DMD: variants seen among roughly 807,000 people sequenced by gnomAD.
DMD encodes the protein mutant dystrophin.
In DMD, 63 loss-of-function variants were observed where a neutral mutation model predicts 330.1. The ratio of observed to expected loss-of-function variants is 0.19; its 90% CI spans 0.16 to 0.24. DMD has a LOEUF of 0.24. Ranked by LOEUF, DMD falls within the 10% of genes least tolerant of loss-of-function variation. DMD has a pLI of 1.00. For synonymous variants in DMD, 1,223 were observed against 959.8 expected (o/e 1.27, Z -5.07); for missense variants, 3,344 against 2,684.1 (o/e 1.25, Z -5.43).
intron 55 of DMD, among the ~76,000 whole-genome samples, chrX:31,517,729 AT>A (rs779249694): frequency 9.0e-6 from 1 of 110,918 alleles, no homozygotes; most frequent in Non-Finnish European, 1.9e-5. Flanking sequence ...GGATGCTACC[AT>A]CATTGAGTGC....
intron 1 of DMD, among the ~76,000 whole-genome samples, chrX:33,310,140 C>G (rs1178455800): frequency 9.0e-6 from 1 of 110,976 alleles, no homozygotes; most frequent in African/African-American, 3.3e-5. Flanking sequence ...ATTCAAATAA[C>G]TTATAAAATA....
intron 47 of DMD, among the ~76,000 whole-genome samples, chrX:31,914,881 G>T (rs1356408124): frequency 8.9e-6 from 1 of 112,424 alleles, no homozygotes; most frequent in African/African-American, 3.2e-5. Flanking sequence ...AAATAAATAA[G>T]AGTATAATTG....
At chrX:32,629,146 GTCTA>G (rs1287078791) in intron 11 of DMD, among the ~76,000 whole-genome samples, 4 of 111,504 alleles carry the variant, frequency 3.6e-5, no homozygotes, top group Non-Finnish European at 7.5e-5. Context: ...CTGTTTTGGG[GTCTA>G]TCTCTCTAAC....
At chrX:32,415,951 T>C (rs2098164532) in intron 29 of DMD, among the ~76,000 whole-genome samples, 1 of 112,165 alleles carries the variant, frequency 8.9e-6, no homozygotes, top group African/African-American at 3.2e-5. Flanking sequence ...TAATGAGTTT[T>C]GCTGGCAATG....
chrX:31,846,899 T>C (rs936462552), intron 48 of DMD, among the ~76,000 whole-genome samples: 2 of 111,942 alleles, frequency 1.8e-5, no homozygotes, highest in Admixed American at 1.9e-4. Flanking sequence ...TTAATAAAAT[T>C]GTTATTGGCG....
At chrX:32,219,726 A>T (rs963234375) in intron 43 of DMD, among the ~76,000 whole-genome samples, 4 of 110,774 alleles carry the variant, frequency 3.6e-5, no homozygotes, top group African/African-American at 1.3e-4. Context: ...CTTGAACTAT[A>T]CTTTTGCCAA....
intron 60 of DMD, among the ~76,000 whole-genome samples, chrX:31,439,758 CTGCA>C (rs1001460859): frequency 8.9e-6 from 1 of 111,857 alleles, no homozygotes; most frequent in Admixed American, 9.5e-5. Flanking sequence ...AAGAGATTGA[CTGCA>C]TTACTCAGTG....
intron 55 of DMD, among the ~76,000 whole-genome samples, chrX:31,511,404 C>T (rs2147232054): frequency 9.6e-6 from 1 of 104,353 alleles, no homozygotes; most frequent in South Asian, 4.4e-4. Flanking sequence ...CATATGTATA[C>T]ATGTGCCATG....
At chrX:32,870,546 A>G (rs1311646808) in intron 2 of DMD, among the ~76,000 whole-genome samples, 2 of 111,913 alleles carry the variant, frequency 1.8e-5, no homozygotes, top group Non-Finnish European at 3.8e-5. Context: ...TACCCAAAAC[A>G]TCATGGTACT....
intron 7 of DMD, among the ~76,000 whole-genome samples, chrX:32,801,551 G>A (rs2076567720): frequency 8.9e-6 from 1 of 111,970 alleles, no homozygotes; most frequent in Non-Finnish European, 1.9e-5. Flanking sequence ...TCTTGCCATT[G>A]CTTTTGGTGT....
At chrX:31,850,327 A>G (rs6631421) in intron 48 of DMD, among the ~76,000 whole-genome samples, 11,941 of 112,047 alleles carry the variant, frequency 0.11, 514 homozygotes, top group South Asian at 0.21. Context: ...GAGGTGTTGA[A>G]ATACTAAAAA....
intron 34 of DMD, among the ~76,000 whole-genome samples, chrX:32,369,291 T>G (rs979915594): frequency 1.8e-5 from 2 of 111,603 alleles, no homozygotes; most frequent in Non-Finnish European, 3.8e-5. Flanking sequence ...AGAATGAGTA[T>G]AATGAGTTAA....
intron 62 of DMD, among the ~76,000 whole-genome samples, chrX:31,291,560 T>C (rs774639387): frequency 8.0e-5 from 9 of 112,037 alleles, no homozygotes; most frequent in Non-Finnish European, 1.3e-4. Context: ...AGTATCTTAG[T>C]GTGCTTTAAG....
intron 18 of DMD, among the ~76,000 whole-genome samples, chrX:32,513,341 G>C (rs1193682435): frequency 1.8e-5 from 2 of 112,125 alleles, no homozygotes; most frequent in African/African-American, 6.5e-5. Flanking sequence ...TAATATGTTC[G>C]CTTTGGCAGA....
At chrX:33,261,683 G>A (rs1569559273) in intron 1 of DMD, among the ~76,000 whole-genome samples, 1 of 103,806 alleles carries the variant, frequency 9.6e-6, no homozygotes, top group Non-Finnish European at 2.0e-5. Context: ...GAAGGCAGAA[G>A]CAGCCCAAAA....
intron 2 of DMD, among the ~76,000 whole-genome samples, chrX:32,897,360 G>T (rs889375524): frequency 9.0e-6 from 1 of 111,682 alleles, no homozygotes. Context: ...AGGAGGAGTA[G>T]AGAATGAAGA....
intron 21 of DMD, among the ~76,000 whole-genome samples, chrX:32,480,453 AGTAT>A (rs1164632839): frequency 1.9e-5 from 2 of 104,686 alleles, no homozygotes; most frequent in South Asian, 3.7e-4. Context: ...GTACATACAC[AGTAT>A]GTGTCTACGT....
intron 59 of DMD, among the ~76,000 whole-genome samples, chrX:31,457,131 C>G (rs932700772): frequency 1.8e-5 from 2 of 109,718 alleles, no homozygotes; most frequent in Non-Finnish European, 3.8e-5. Flanking sequence ...TTCCTCTGGA[C>G]ATGAAATAGT....
intron 42 of DMD, among the ~76,000 whole-genome samples, chrX:32,297,235 T>TTTTATTTATTTATTTA (rs199584874): frequency 2.1e-5 from 2 of 97,168 alleles, no homozygotes; most frequent in African/African-American, 3.9e-5. Context: ...GACAGTCATA[T>TTTTATTTATTTATTTA]TTTATTTATT....
Sources: allele counts gnomAD v4.1 joint callset (sites outside exome capture counted in the v4.1 genomes callset), GRCh38; gene constraint gnomAD v4.1.1; transcripts MANE v1.5; gene names NCBI Gene and HGNC (gene_info 2026-07-23, HGNC 2026-07-21).